The following GPALPP1 variants were observed in gnomAD, a reference collection of about 807,000 sequenced individuals.
GPALPP1 encodes the protein GPALPP motifs-containing protein 1.
Under a neutral mutation model 38.9 loss-of-function variants are expected in GPALPP1, and 30 were observed. That is an observed-to-expected ratio of 0.77 (90% CI 0.58 to 1.05). GPALPP1 has a LOEUF of 1.05. GPALPP1 is among the 50% of genes least tolerant of loss of function. The probability of loss-of-function intolerance (pLI) is 0.00; values close to 1 mark genes in which losing one functional copy is unlikely to be tolerated. For synonymous variants in GPALPP1, 120 were observed against 139.2 expected, an observed-to-expected ratio of 0.86 and a Z score of 0.97; for missense variants, 384 against 408.8, an observed-to-expected ratio of 0.94 and a Z score of 0.52.
At chr13:45,021,283 A>T (rs1241356478) in intron 7 of GPALPP1, among the ~76,000 whole-genome samples, 1 of 152,232 alleles carries the variant, frequency 6.6e-6, no homozygotes, top group Non-Finnish European at 1.5e-5. Flanking sequence ...TCTAAAATAT[A>T]GTTAGCTTGA....
intron 1 of GPALPP1, among the ~76,000 whole-genome samples, chr13:44,994,306 G>T (rs1186289191): frequency 6.6e-6 from 1 of 151,956 alleles, no homozygotes; most frequent in African/African-American, 2.4e-5. Flanking sequence ...CTCGCGGCCG[G>T]GCACGGTGGC....
At chr13:44,998,267 G>A (rs1015787661) in intron 1 of GPALPP1, among the ~76,000 whole-genome samples, 1 of 151,988 alleles carries the variant, frequency 6.6e-6, no homozygotes. Context: ...CTGTCCTTAG[G>A]GCTGCCTGCC....
At chr13:45,032,509 G>A (rs554385425), downstream of GPALPP1, among the ~76,000 whole-genome samples, 3 of 151,736 alleles carry the variant, frequency 2.0e-5, no homozygotes, top group East Asian at 2.0e-4. Flanking sequence ...GAGTTCAAGC[G>A]ATTCTTCTGC....
chr13:45,035,525 AGTT>A (rs1259460056), exon 8 of GPALPP1: 2 of 152,218 alleles, frequency 1.3e-5, no homozygotes, highest in Admixed American at 6.5e-5. Flanking sequence ...TTTTTTAAGA[AGTT>A]GTTGTAAATT....
chr13:45,021,245 C>A (rs954307716), intron 7 of GPALPP1, among the ~76,000 whole-genome samples: 2 of 152,124 alleles, frequency 1.3e-5, no homozygotes, highest in Middle Eastern at 3.2e-3. Context: ...TTTTCTGTTC[C>A]CAGTGTATTA....
rs201980408 is a variant in GPALPP1 at position 45,020,384 on chromosome 13, T to A, written c.760T>A (p.Ser254Thr). 1 of 1,546,646 alleles carries A rather than the reference T, an allele frequency of 6.5e-7. No individual in the cohort carries two copies. The highest frequency in any genetic ancestry group is 1.4e-5 in the African/African-American group (1 of 73,302). The change falls in exon 7 of 8, where the codon TCA becomes ACA. Residue 254 changes from serine (S) to threonine (T), a missense_variant. Ser to Thr is a moderately conservative substitution (Grantham distance 58). Transcript: ENST00000379151. ...TAAGAAAGATGAAGAACATATATTA[T>A]CAGGAAGAGATAAGAGACTGGCTGA... The part of the protein sequence containing the change: ...SSKKDEEHIL[S>T]GRDKRLAEQV...
At chr13:45,000,074 T>TA (rs557402665) in intron 1 of GPALPP1, among the ~76,000 whole-genome samples, 2 of 152,206 alleles carry the variant, frequency 1.3e-5, no homozygotes, top group Non-Finnish European at 2.9e-5. Flanking sequence ...ATTATCTTTT[T>TA]AAAAAATGTA....
chr13:45,036,933 G>A (rs1876413165), exon 8 of GPALPP1: 1 of 152,118 alleles, frequency 6.6e-6, no homozygotes, highest in Non-Finnish European at 1.5e-5. Flanking sequence ...CTCCAGCCAG[G>A]GAGACAGAGA....
chr13:45,005,086 C>CTTTTTTTTTTTTTT lies in GPALPP1; in HGVS notation c.221+666_221+679dup, dbSNP rs71759613. 4 of 57,530 alleles carry CTTTTTTTTTTTTTT rather than the reference C, an allele frequency of 7.0e-5. 1 individual carries two copies. The highest frequency in any genetic ancestry group is 1.3e-4 in the African/African-American group (2 of 15,748). 3.6% of individuals were successfully genotyped at this position (57,530 alleles called of 1,614,324 possible). On this transcript the variant is annotated intron_variant, in intron 2 of 7. Coordinates refer to ENST00000379151, the MANE Select transcript of GPALPP1 (RefSeq NM_018559.5). ...TTTCTTTAAATAAACTAATGGTTTT[C>CTTTTTTTTTTTTTT]TTTTTTTTTTTTTTTTTTTTTTTTT...
chr13:45,010,861 T>C (rs918495013), intron 4 of GPALPP1, among the ~76,000 whole-genome samples: 4 of 152,046 alleles, frequency 2.6e-5, no homozygotes, highest in African/African-American at 9.7e-5. Context: ...GGCACATGCC[T>C]GTGGTGCCAG....
At chr13:44,990,477 G>A (rs1419395296) in intron 1 of GPALPP1, 1 of 152,560 alleles carries the variant, frequency 6.6e-6, no homozygotes, top group East Asian at 1.9e-4. Flanking sequence ...TAATTACATT[G>A]CATATTTAGT....
chr13:45,024,193 G>T (rs868594085), intron 7 of GPALPP1, among the ~76,000 whole-genome samples: 1 of 53,260 alleles, frequency 1.9e-5, no homozygotes, highest in South Asian at 5.6e-4. Context: ...GTGTGTGTGT[G>T]TGTGTGTGTG....
intron 1 of GPALPP1, among the ~76,000 whole-genome samples, chr13:45,002,895 C>T (rs1316236863): frequency 6.6e-6 from 1 of 152,162 alleles, no homozygotes; most frequent in East Asian, 1.9e-4. Flanking sequence ...ATTCAAATGT[C>T]TTTTTCTCAG....
In GPALPP1 at chr13:45,024,174, T is replaced by C. The variant is rs186111275; in HGVS notation, c.805-3611T>C. Among the ~76,000 whole-genome samples the C allele has an allele frequency of 8.1e-3, 1,057 of 130,706 alleles. 70 individuals carry two copies. The highest frequency in any genetic ancestry group is 0.031 in the East Asian group (122 of 3,964). The allele number at this position is 130,706 out of a possible 152,430, so 85.7% of individuals were successfully genotyped here. ...GTGTGTGTGTGTGTGTGTGTGTGTG[T>C]GTGTGTGTGTGTGTGTGTGTGTGTG... On this transcript the variant is annotated intron_variant, in intron 7 of 7. Transcript: ENST00000379151.
At chr13:45,034,798 G>T (rs1260759473), downstream of GPALPP1, 1 of 145,658 alleles carries the variant, frequency 6.9e-6, no homozygotes, top group African/African-American at 2.6e-5. Flanking sequence ...GTGTAATGGC[G>T]CAATCTCGGC....
rs74071403 is a variant in GPALPP1 at position 45,015,994 on chromosome 13, T to C, written c.705+398T>C. The stretch of plus-strand genomic sequence containing the variant: ...ACACCATACTATCTTTATGAACATA[T>C]ATCTTTTAAAATATTTTAGAAAAAA... On this transcript the variant is annotated intron_variant, in intron 6 of 7. Transcript: ENST00000379151. Among the ~76,000 whole-genome samples, 1,210 of 152,166 alleles carry C rather than the reference T, an allele frequency of 8.0e-3. 15 individuals carry two copies. Among genetic ancestry groups the C allele is most frequent in the African/African-American group, 0.028 (1,143 of 41,528 alleles).
rs541527718 is a variant in GPALPP1 at position 44,994,874 on chromosome 13, A to G, written c.88+5132A>G. On this transcript the variant is annotated intron_variant, in intron 1 of 7. Coordinates refer to ENST00000379151, the MANE Select transcript of GPALPP1 (RefSeq NM_018559.5). ...GAGAGCATTTTATTTTTTTTTTGAG[A>G]CGGAGTTTCGCTCTTGTTGCCCAGG... Among the ~76,000 whole-genome samples the G allele has an allele frequency of 1.7e-4, 26 of 151,176 alleles. No homozygotes were observed. The East Asian group carries it at 3.3e-3, about 19-fold the overall frequency.
chr13:45,033,283 GGAA>G (rs1288633062), downstream of GPALPP1: 5 of 152,168 alleles, frequency 3.3e-5, no homozygotes, highest in Non-Finnish European at 7.4e-5. Flanking sequence ...ACACCTAAGA[GGAA>G]GAAGTAACAT....
At chr13:45,019,062 C>CATAGAAATATATAA (rs1566082095) in intron 6 of GPALPP1, among the ~76,000 whole-genome samples, 36 of 11,958 alleles carry the variant, frequency 3.0e-3, no homozygotes, top group Non-Finnish European at 8.6e-3. Context: ...TAAATATATA[C>CATAGAAATATATAA]ATATAAATAT....
Sources: gnomAD v4.1 joint callset for allele counts (sites outside exome capture counted in the v4.1 genomes callset) on GRCh38, gnomAD v4.1.1 for gene constraint, MANE v1.5 for transcripts, NCBI Gene and HGNC (gene_info 2026-07-23, HGNC 2026-07-21) for gene names.